PDK1: variants seen among roughly 807,000 people sequenced by gnomAD.
PDK1 encodes pyruvate dehydrogenase kinase 1.
A neutral mutation model predicts 54.2 loss-of-function variants in PDK1; 39 were observed. That is an observed-to-expected ratio of 0.72 (90% CI 0.56 to 0.94). The LOEUF is 0.94. Among genes scored for constraint, PDK1 ranks in the 40% least tolerant of loss-of-function variants. PDK1 has a pLI of 0.00. For synonymous variants in PDK1, 221 were observed against 207.1 expected, an observed-to-expected ratio of 1.07 and a Z score of -0.58; for missense variants, 552 against 566.0, an observed-to-expected ratio of 0.98 and a Z score of 0.25.
chr2:172,556,040 C>G (rs1393433003), upstream of PDK1: 1 of 780,584 alleles, frequency 1.3e-6, no homozygotes, highest in Non-Finnish European at 1.8e-6. Context: ...GGGGCCGCGC[C>G]GGTGACAGCC....
intron 5 of PDK1, 148 bp from the exon 6 acceptor site, chr2:172,566,708 A>G (rs1574475514): frequency 3.9e-6 from 2 of 517,294 alleles, no homozygotes; most frequent in East Asian, 6.6e-5. Context: ...AAAAAAAAAA[A>G]AAAAGCAGAC....
intron 9 of PDK1, among the ~76,000 whole-genome samples, chr2:172,592,340 CCT>C (rs1690637611): frequency 6.6e-6 from 1 of 152,120 alleles, no homozygotes; most frequent in Non-Finnish European, 1.5e-5. Context: ...CTTTCTGACT[CCT>C]CTTTGTCTCT....
the PDK1 span, among the ~76,000 whole-genome samples, chr2:172,645,479 G>T: frequency 6.6e-6 from 1 of 151,938 alleles, no homozygotes; most frequent in Admixed American, 6.6e-5. Flanking sequence ...GGCTGGTCTT[G>T]AACTCCTGAC....
the PDK1 span, among the ~76,000 whole-genome samples, chr2:172,660,247 C>CTT: frequency 4.0e-3 from 175 of 44,226 alleles, 9 homozygotes; most frequent in African/African-American, 0.012. Flanking sequence ...CTCTCTCTCT[C>CTT]TTTTTTTTTT....
At chr2:172,622,558 GAT>G in the PDK1 span, among the ~76,000 whole-genome samples, 5 of 139,950 alleles carry the variant, frequency 3.6e-5, no homozygotes, top group South Asian at 7.2e-4. Context: ...TATCATGTGA[GAT>G]ATGTTTATAT....
the PDK1 span, among the ~76,000 whole-genome samples, chr2:172,697,319 T>C: frequency 6.6e-6 from 1 of 152,212 alleles, no homozygotes; most frequent in Non-Finnish European, 1.5e-5. Context: ...GGATGGCAAA[T>C]AATAAATGGC....
chr2:172,706,003 T>C, the PDK1 span, among the ~76,000 whole-genome samples: 1 of 152,316 alleles, frequency 6.6e-6, no homozygotes, highest in East Asian at 1.9e-4. Flanking sequence ...ACTCACCCTT[T>C]ACCCAGTTTC....
At chr2:172,576,390 T>TC (rs397778041) in intron 8 of PDK1, among the ~76,000 whole-genome samples, 4 of 152,018 alleles carry the variant, frequency 2.6e-5, no homozygotes, top group African/African-American at 9.7e-5. Context: ...TTCTTTTTTT[T>TC]TCTTGGTCAA....
the PDK1 span, among the ~76,000 whole-genome samples, chr2:172,675,493 C>G: frequency 3.3e-5 from 5 of 152,140 alleles, no homozygotes; most frequent in Non-Finnish European, 7.4e-5. Flanking sequence ...TTTGAGTGTT[C>G]TGGAGAGATT....
the PDK1 span, among the ~76,000 whole-genome samples, chr2:172,622,083 G>A: frequency 7.3e-6 from 1 of 137,892 alleles, no homozygotes; most frequent in Non-Finnish European, 1.6e-5. Flanking sequence ...TATATTATGT[G>A]AGATATGTTT....
chr2:172,722,108 T>A, the PDK1 span, among the ~76,000 whole-genome samples: 1 of 152,256 alleles, frequency 6.6e-6, no homozygotes, highest in African/African-American at 2.4e-5. Flanking sequence ...GCTCCTTCCC[T>A]TACCACCAGG....
chr2:172,661,236 G>A, the PDK1 span, among the ~76,000 whole-genome samples: 1 of 152,182 alleles, frequency 6.6e-6, no homozygotes, highest in African/African-American at 2.4e-5. Flanking sequence ...AGTGAGAGCT[G>A]ACTGTTACAG....
chr2:172,649,772 A>T, the PDK1 span, among the ~76,000 whole-genome samples: 2 of 152,188 alleles, frequency 1.3e-5, no homozygotes, highest in African/African-American at 4.8e-5. Context: ...ATGAAGCGAG[A>T]ACAGAAGTTT....
the PDK1 span, among the ~76,000 whole-genome samples, chr2:172,698,368 G>A: frequency 6.6e-6 from 1 of 152,044 alleles, no homozygotes; most frequent in East Asian, 1.9e-4. Flanking sequence ...ACTTCACCAT[G>A]GTATGACTCA....
intron 1 of PDK1, chr2:172,556,648 C>G (rs956845745): frequency 3.5e-6 from 1 of 289,694 alleles, no homozygotes; most frequent in Non-Finnish European, 6.4e-6. Context: ...GGCCAGGCCC[C>G]TTCCAAGGAG....
At chr2:172,653,648 T>G in the PDK1 span, among the ~76,000 whole-genome samples, 10 of 151,664 alleles carry the variant, frequency 6.6e-5, no homozygotes, top group Non-Finnish European at 1.0e-4. Flanking sequence ...GACTTAAATG[T>G]TAGACCTAAA....
chr2:172,657,472 G>A, the PDK1 span, among the ~76,000 whole-genome samples: 1 of 133,394 alleles, frequency 7.5e-6, no homozygotes, highest in African/African-American at 2.6e-5. Flanking sequence ...TTAACTTGTG[G>A]TTTTTATTAT....
Position 172,595,936 on chromosome 2 carries a change from A to G in PDK1, c.1278A>G (p.Glu426=). 1.2e-6 allele frequency: 2 copies of G among 1,613,650 alleles called. No homozygotes were observed. Among genetic ancestry groups the G allele is most frequent in the South Asian group, 1.1e-5 (1 of 91,014 alleles). Reference sequence around the variant, plus strand: ...ATGACTGGTGCGTCCCCAGCAGAGAACCCAAAGACATGACGACGTTCCGCA... The same window carrying G: ...ATGACTGGTGCGTCCCCAGCAGAGAGCCCAAAGACATGACGACGTTCCGCA... The part of the protein sequence containing the change: ...EADDWCVPSR[E]PKDMTTFRSA Residue 426 remains glutamate (E), a synonymous_variant, in exon 11 of 11, where the codon GAA becomes GAG. Coordinates refer to ENST00000282077, the MANE Select transcript of PDK1 (RefSeq NM_002610.5).
chr2:172,633,381 CTTTTTTTTTTTTT>C, the PDK1 span, among the ~76,000 whole-genome samples: 5 of 103,978 alleles, frequency 4.8e-5, no homozygotes, highest in Middle Eastern at 5.2e-3. Context: ...GATTTTCTTT[CTTTTTTTTTTTTT>C]TTTTTTTTTT....
Sources: gnomAD v4.1 joint callset for allele counts (sites outside exome capture counted in the v4.1 genomes callset) on GRCh38, gnomAD v4.1.1 for gene constraint, MANE v1.5 for transcripts, NCBI Gene and HGNC (gene_info 2026-07-23, HGNC 2026-07-21) for gene names.